The following COL27A1 variants were observed in gnomAD, a reference collection of about 807,000 sequenced individuals.
COL27A1 encodes the protein collagen type XXVII alpha 1 chain.
COL27A1 carries 106 observed loss-of-function variants against 251.3 expected under a neutral mutation model. The observed-to-expected ratio is 0.42, with a 90% CI of 0.36 to 0.50. The LOEUF (loss-of-function observed/expected upper bound fraction) is 0.50. COL27A1 is among the 20% of genes least tolerant of loss of function. The pLI is 0.00. For synonymous variants in COL27A1, 1,000 were observed against 986.3 expected, an observed-to-expected ratio of 1.01 and a Z score of -0.26; for missense variants, 2,325 against 2,522.8, an observed-to-expected ratio of 0.92 and a Z score of 1.68.
intron 56 of COL27A1, among the ~76,000 whole-genome samples, chr9:114,302,958 G>T (rs1828766504): frequency 6.6e-6 from 1 of 152,144 alleles, no homozygotes; most frequent in Non-Finnish European, 1.5e-5. Flanking sequence ...GAGCCCTTGA[G>T]CCATGCGTCA....
intron 12 of COL27A1, among the ~76,000 whole-genome samples, chr9:114,213,084 G>A (rs1390277232): frequency 6.6e-6 from 1 of 152,202 alleles, no homozygotes; most frequent in African/African-American, 2.4e-5. Flanking sequence ...AAGGTCACAT[G>A]GCTGCTCAGT....
intron 5 of COL27A1, among the ~76,000 whole-genome samples, chr9:114,190,459 G>T (rs1420072559): frequency 6.6e-6 from 1 of 152,106 alleles, no homozygotes; most frequent in Non-Finnish European, 1.5e-5. Flanking sequence ...TTGTGGAGAC[G>T]GGCTCACTTT....
chr9:114,163,606 G>A (rs1179396033), intron 2 of COL27A1, among the ~76,000 whole-genome samples: 1 of 152,144 alleles, frequency 6.6e-6, no homozygotes, highest in Non-Finnish European at 1.5e-5. Context: ...GCATGCCTCT[G>A]AAAATAGCTG....
At chr9:114,155,288 G>C (rs1425533623), upstream of COL27A1, among the ~76,000 whole-genome samples, 1 of 151,898 alleles carries the variant, frequency 6.6e-6, no homozygotes, top group African/African-American at 2.4e-5. The surrounding 1 kb of genome is among the most constrained non-coding windows in gnomAD (Gnocchi z 5.5). Flanking sequence ...ATCTCAGAAC[G>C]GTGATCAAAT....
intron 36 of COL27A1, chr9:114,271,020 G>A: frequency 2.0e-6 from 1 of 507,434 alleles, no homozygotes; most frequent in Non-Finnish European, 3.4e-6. Context: ...AGTCTTTCCT[G>A]CTACCCTTCT....
At chr9:114,232,480 C>T (rs1832034706) in intron 16 of COL27A1, among the ~76,000 whole-genome samples, 1 of 152,178 alleles carries the variant, frequency 6.6e-6, no homozygotes, top group African/African-American at 2.4e-5. Context: ...ACACAGGGCC[C>T]AGCACTTGTG....
rs377695234 is a variant in COL27A1 at position 114,166,368 on chromosome 9, AATCC to A, written c.134-1295_134-1292del. On this transcript the variant is annotated intron_variant, in intron 2 of 60. Transcript: ENST00000356083. ...TCATGCATCCATGTATCCATCCATC[AATCC>A]ATCCATCCATCCATCCATCCATCCA... is the stretch of plus-strand genomic sequence containing the variant. Among the ~76,000 whole-genome samples the A allele has an allele frequency of 4.0e-3, 148 of 37,132 alleles. 1 individual carries two copies. Among genetic ancestry groups the A allele is most frequent in the Admixed American group, 0.015 (41 of 2,662 alleles). 24.4% of individuals were successfully genotyped at this position (37,132 alleles called of 152,430 possible).
At chr9:114,302,234 C>G (rs184808223) in intron 56 of COL27A1, 126 bp downstream of exon 56, 2 of 753,570 alleles carry the variant, frequency 2.7e-6, no homozygotes, top group Admixed American at 4.4e-5. Flanking sequence ...CGCCCATGTC[C>G]TTTTGTCACT....
rs111575730 is a variant in COL27A1, at chr9:114,239,272, TGG to T, written c.2728-946_2728-945del. Among the ~76,000 whole-genome samples the T allele has an allele frequency of 1.2e-4, 18 of 152,378 alleles. 1 individual carries two copies. The highest frequency in any genetic ancestry group is 4.1e-4 in the African/African-American group (17 of 41,596). On this transcript the variant is annotated intron_variant, in intron 19 of 60. Coordinates refer to ENST00000356083, the MANE Select transcript of COL27A1 (RefSeq NM_032888.4). ...CGACTGCTAAGTTCTCACTTAGAGA[TGG>T]GCCCACCCCAGGCAGACTTCTTTTC...
intron 7 of COL27A1, among the ~76,000 whole-genome samples, chr9:114,201,885 C>T (rs1829604450): frequency 6.6e-6 from 1 of 152,208 alleles, no homozygotes; most frequent in Admixed American, 6.5e-5. Flanking sequence ...GAGCATGTTT[C>T]ATCCCATGCT....
At chr9:114,289,214 C>T in intron 44 of COL27A1, 28 bp from the exon 45 acceptor site, 1 of 1,566,886 alleles carries the variant, frequency 6.4e-7, no homozygotes, top group African/African-American at 1.3e-5. Context: ...CCTGGGGCTG[C>T]CTTGCGTCAT....
Position 114,310,561 on chromosome 9 carries a change from C to T in COL27A1, c.5449C>T (p.Arg1817Cys), listed in dbSNP as rs777508212. 1.2e-5 allele frequency: 19 copies of T among 1,614,034 alleles called. No individual in the cohort carries two copies. The highest frequency in any genetic ancestry group is 5.3e-5 in the African/African-American group (4 of 74,902). The change falls in exon 61 of 61, where the codon CGC becomes TGC. Residue 1817 changes from arginine to cysteine, a missense_variant. By Grantham distance (180) the Arg-to-Cys change is radical. This residue lies in a region of COL27A1 where 327 missense variants were observed against 442.8 expected (regional missense o/e 0.74). Transcript: ENST00000356083. The stretch of plus-strand genomic sequence containing the variant: ...CTTCTGCCTTCAGGTCCAAGATGGC[C>T]GCTGGCATCAGACACTCTTCACCTT... ...SMDGCKVQDGRWHQTLFTFRT... is the reference protein window; with the variant it reads ...SMDGCKVQDGCWHQTLFTFRT...
At chr9:114,196,142 T>G (rs1369731424) in intron 7 of COL27A1, 130 bp downstream of exon 7, 2 of 815,984 alleles carry the variant, frequency 2.5e-6, no homozygotes, top group Admixed American at 1.8e-5. Context: ...ACAGGGTACA[T>G]GGGTGAGAGG....
At chr9:114,215,056 C>G (rs1280850764) in intron 12 of COL27A1, among the ~76,000 whole-genome samples, 1 of 152,260 alleles carries the variant, frequency 6.6e-6, no homozygotes, top group Non-Finnish European at 1.5e-5. Flanking sequence ...GCTTTACTCA[C>G]AGCCCCTGGC....
At chr9:114,267,320 C>T (rs1834814937) in intron 33 of COL27A1, among the ~76,000 whole-genome samples, 184 bp from the exon 34 acceptor site, 1 of 152,118 alleles carries the variant, frequency 6.6e-6, no homozygotes, top group African/African-American at 2.4e-5. Flanking sequence ...CCAGCCTGGG[C>T]CCACCCCCAG....
intron 7 of COL27A1, among the ~76,000 whole-genome samples, chr9:114,198,845 T>C (rs1270481297): frequency 2.0e-5 from 3 of 152,200 alleles, no homozygotes; most frequent in Non-Finnish European, 4.4e-5. Context: ...TCCTGCTGTG[T>C]GAGCTTGGGC....
intron 59 of COL27A1, among the ~76,000 whole-genome samples, chr9:114,308,895 C>G (rs1424988419): frequency 6.6e-6 from 1 of 152,208 alleles, no homozygotes; most frequent in Non-Finnish European, 1.5e-5. Context: ...CTCTCATTTC[C>G]TCTGCATTCC....
rs189008025 is a variant in COL27A1 at position 114,214,488 on chromosome 9, G to C, written c.2367+3462G>C. Among the ~76,000 whole-genome samples, 4 of 152,302 alleles carry C rather than the reference G, an allele frequency of 2.6e-5. No homozygotes were observed. The East Asian group carries it at 7.7e-4, about 29-fold the overall frequency. ...TGATGTGTCAGAGTCTTTTACTAAC[G>C]GGAGCTGAGGAAGAGACAGTGGAGG... On this transcript the variant is annotated intron_variant, in intron 12 of 60. Coordinates refer to ENST00000356083, the MANE Select transcript of COL27A1 (RefSeq NM_032888.4).
At chr9:114,192,456 T>A (rs566782908) in intron 5 of COL27A1, among the ~76,000 whole-genome samples, 2 of 151,266 alleles carry the variant, frequency 1.3e-5, no homozygotes, top group Non-Finnish European at 3.0e-5. Flanking sequence ...ATCCCAGAGG[T>A]GAGGTTCTGC....
Sources: allele counts gnomAD v4.1 joint callset (sites outside exome capture counted in the v4.1 genomes callset), GRCh38; gene constraint gnomAD v4.1.1; regional missense constraint gnomAD v4.1.1; non-coding constraint Gnocchi (gnomAD v3.1); transcripts MANE v1.5; gene names NCBI Gene and HGNC (gene_info 2026-07-23, HGNC 2026-07-21).